STARD7: variants seen among roughly 807,000 people sequenced by gnomAD.
STARD7 encodes StAR related lipid transfer domain containing 7.
STARD7 carries 30 observed loss-of-function variants against 45.3 expected under a neutral mutation model. The observed-to-expected ratio is 0.66, with a 90% CI of 0.50 to 0.90. The LOEUF (loss-of-function observed/expected upper bound fraction) is 0.90. Ranked by LOEUF, STARD7 falls within the 40% of genes least tolerant of loss-of-function variation. The pLI is 0.00. For missense variants in STARD7, 495 were observed against 491.3 expected, an observed-to-expected ratio of 1.01 and a Z score of -0.07; for synonymous variants, 199 against 183.0, an observed-to-expected ratio of 1.09 and a Z score of -0.70.
At chr2:96,187,981 A>C (rs1228656973) in intron 6 of STARD7, 1 of 151,246 alleles carries the variant, frequency 6.6e-6, no homozygotes, top group Non-Finnish European at 1.5e-5. Flanking sequence ...ATAAATAAAT[A>C]AATTGGGTGT....
At chr2:96,197,091 T>TAAAAA (rs1683229116) in intron 1 of STARD7, among the ~76,000 whole-genome samples, 1 of 128,414 alleles carries the variant, frequency 7.8e-6, no homozygotes, top group African/African-American at 2.8e-5. Context: ...TAAAATAAAA[T>TAAAAA]AAAATAAAAT....
At position 96,208,311 on chromosome 2, in the gene STARD7, C is replaced by A. The variant is rs1374032461; in HGVS notation, c.124G>T (p.Ala42Ser). The A allele has an allele frequency of 1.2e-6, 2 of 1,607,510 alleles. No individual in the cohort carries two copies. Among genetic ancestry groups the A allele is most frequent in the Non-Finnish European group, 1.7e-6 (2 of 1,178,474 alleles). Residue 42 changes from alanine (A) to serine (S), a missense_variant, in exon 1 of 8, where the codon GCG becomes TCG. Coordinates refer to ENST00000337288, the MANE Select transcript of STARD7 (RefSeq NM_020151.4). ...GLRVRRAQQI[A>S]QLYGRLYSES... ...GAGTAGAGGCGGCCGTAGAGCTGCG[C>A]GATCTGCTGCGCGCGCCGCACGCGC... is the stretch of plus-strand genomic sequence containing the variant.
chr2:96,186,429 G>A lies in STARD7; in HGVS notation c.*301C>T. On this transcript the variant is annotated 3_prime_UTR_variant, in exon 8 of 8. Transcript: ENST00000337288. ...GAGGAAACTACTCAGAGAAGCAAATGGAGGTCATCCCCTTCTGGCCTGAGG... is the reference window on the plus strand; with the variant it reads ...GAGGAAACTACTCAGAGAAGCAAATAGAGGTCATCCCCTTCTGGCCTGAGG... 4.2e-6 allele frequency: 1 copy of A among 239,528 alleles called. No homozygotes were observed. The highest frequency in any genetic ancestry group is 8.0e-6 in the Non-Finnish European group (1 of 125,096). 14.8% of individuals were successfully genotyped at this position (239,528 alleles called of 1,614,324 possible).
Position 96,186,168 on chromosome 2 carries a change from A to C in STARD7, c.*562T>G, listed in dbSNP as rs1467672987. On this transcript the variant is annotated 3_prime_UTR_variant, in exon 8 of 8. Transcript: ENST00000337288. ...TGAAACTCCATCTCTACTTAAAAAA[A>C]AAAAAAATTAATAATAACTTCATGT... 1 of 152,596 alleles carries C rather than the reference A, an allele frequency of 6.6e-6. No homozygotes were observed. Among genetic ancestry groups the C allele is most frequent in the East Asian group, 1.9e-4 (1 of 5,198 alleles). The allele number at this position is 152,596 out of a possible 1,614,324, so 9.5% of individuals were successfully genotyped here. A position where few individuals can be genotyped will look rare whatever the true frequency, so the allele number is the denominator to read the frequency against.
chr2:96,187,276 T>C lies in STARD7; in HGVS notation c.869A>G (p.Tyr290Cys), dbSNP rs1415931370. 1.2e-6 allele frequency: 2 copies of C among 1,613,610 alleles called. No homozygotes were observed. The highest frequency in any genetic ancestry group is 1.7e-6 in the Non-Finnish European group (2 of 1,179,694). The stretch of plus-strand genomic sequence containing the variant: ...AAACACCGTTTGGGGATTGTCACTG[T>C]ATGTTAGTAAGTAGTCAAAGCCATT... Reference protein sequence around the residue: ...DENGFDYLLTYSDNPQTVFPR... With the variant: ...DENGFDYLLTCSDNPQTVFPR... Residue 290 changes from tyrosine to cysteine, a missense_variant, in exon 7 of 8, where the codon TAC becomes TGC. By Grantham distance (194) the Tyr-to-Cys change is radical. Transcript: ENST00000337288.
chr2:96,203,162 G>A (rs1264504190), intron 1 of STARD7, among the ~76,000 whole-genome samples: 1 of 152,202 alleles, frequency 6.6e-6, no homozygotes, highest in Non-Finnish European at 1.5e-5. Flanking sequence ...GGAGCACAAA[G>A]TCATTCACTA....
chr2:96,200,452 A>G (rs1159582940), intron 1 of STARD7, among the ~76,000 whole-genome samples: 5 of 152,200 alleles, frequency 3.3e-5, no homozygotes, highest in Non-Finnish European at 7.3e-5. Context: ...GTATATACAT[A>G]TGTATAAAAA....
At chr2:96,195,929 A>G (rs1390427272) in intron 1 of STARD7, among the ~76,000 whole-genome samples, 2 of 151,978 alleles carry the variant, frequency 1.3e-5, no homozygotes, top group African/African-American at 4.8e-5. Flanking sequence ...CCTGATCAAC[A>G]TGGTGAAACC....
intron 2 of STARD7, 84 bp downstream of exon 2, chr2:96,195,257 G>T: frequency 8.0e-7 from 1 of 1,246,406 alleles, no homozygotes; most frequent in South Asian, 1.4e-5. Flanking sequence ...GAAACAACCA[G>T]AACAGTTTAG....
At chr2:96,196,750 C>T (rs1017788692) in intron 1 of STARD7, among the ~76,000 whole-genome samples, 8 of 151,950 alleles carry the variant, frequency 5.3e-5, no homozygotes, top group Admixed American at 3.3e-4. Flanking sequence ...CGTAAACCAC[C>T]GTGCCCAGCT....
intron 1 of STARD7, among the ~76,000 whole-genome samples, chr2:96,204,749 C>CAAAAA (rs397959036): frequency 6.2e-5 from 6 of 96,140 alleles, no homozygotes; most frequent in Middle Eastern, 6.2e-3. Flanking sequence ...TGACAATGGC[C>CAAAAA]AAAAAAAAAA....
chr2:96,187,444 C>T (rs1447481531), intron 6 of STARD7, 143 bp from the exon 7 acceptor site: 1 of 603,478 alleles, frequency 1.7e-6, no homozygotes, highest in Non-Finnish European at 2.9e-6. Flanking sequence ...AGAGTTAACA[C>T]TGAAGGCCTG....
Position 96,186,753 on chromosome 2 carries a change from G to T in STARD7, c.1090C>A (p.Pro364Thr). ...SERKNEGSCG[P>T]ARIEYA is the part of the protein sequence containing the mutation. ...TGTCAAGCATACTCAATCCGAGCAGGGCCACAGCTGCCCTCGTTCTTTCGC... is the reference window on the plus strand; with the variant it reads ...TGTCAAGCATACTCAATCCGAGCAGTGCCACAGCTGCCCTCGTTCTTTCGC... Residue 364 changes from proline (P) to threonine (T), a missense_variant, in exon 8 of 8, where the codon CCT becomes ACT. This residue lies in a region of STARD7 where 213 missense variants were observed against 271.2 expected (regional missense o/e 0.79). Transcript: ENST00000337288. 6.2e-7 allele frequency: 1 copy of T among 1,612,538 alleles called. No individual in the cohort carries two copies. Among genetic ancestry groups the T allele is most frequent in the South Asian group, 1.1e-5 (1 of 90,792 alleles).
chr2:96,200,232 T>A (rs1355900957), intron 1 of STARD7, among the ~76,000 whole-genome samples: 1 of 152,078 alleles, frequency 6.6e-6, no homozygotes, highest in Non-Finnish European at 1.5e-5. Flanking sequence ...CACCACCACA[T>A]GCAGCTAATT....
chr2:96,186,623 A>T lies in STARD7; in HGVS notation c.*107T>A. The T allele has an allele frequency of 1.3e-6, 1 of 751,290 alleles. No homozygotes were observed. Among genetic ancestry groups the T allele is most frequent in the Non-Finnish European group, 2.1e-6 (1 of 484,414 alleles). The allele number at this position is 751,290 out of a possible 1,614,324, so 46.5% of individuals were successfully genotyped here. On this transcript the variant is annotated 3_prime_UTR_variant, in exon 8 of 8. Transcript: ENST00000337288. The stretch of plus-strand genomic sequence containing the variant: ...ATTGAATTATCTTGCACTGGAAGTT[A>T]CAGCAGATGCCTTCTAATACATGTG...
chr2:96,193,208 G>A, intron 4 of STARD7, 34 bp downstream of exon 4: 1 of 1,598,822 alleles, frequency 6.3e-7, no homozygotes, highest in Non-Finnish European at 8.6e-7. Context: ...ACACAAACCT[G>A]GACAGAAATA....
intron 3 of STARD7, among the ~76,000 whole-genome samples, chr2:96,194,271 T>A (rs1683169792): frequency 6.6e-6 from 1 of 151,936 alleles, no homozygotes; most frequent in Non-Finnish European, 1.5e-5. Context: ...GAGGATCACT[T>A]GAGTCCAGGA....
rs1211767993 is a variant in STARD7, at chr2:96,208,412, G to A, written c.23C>T (p.Ala8Val). Reference protein sequence around the residue: MLPRRLLAAWLAGTRGGG... With the variant: MLPRRLLVAWLAGTRGGG... ...GCCCCGCGTCCCCGCCAGCCAGGCG[G>A]CCAGCAGCCTCCGCGGGAGCATGCC... is the stretch of plus-strand genomic sequence containing the variant. The change falls in exon 1 of 8, where the codon GCC (alanine) becomes GTC (valine). Residue 8 changes from alanine (A) to valine (V), a missense_variant. Ala to Val is a moderately conservative substitution (Grantham distance 64). Around this residue, in one of 2 missense-constraint regions of STARD7, gnomAD observed 282 missense variants for 220.1 expected, o/e 1.28. Transcript: ENST00000337288. 1.4e-6 allele frequency: 2 copies of A among 1,423,202 alleles called. No homozygotes were observed. 88.2% of individuals were successfully genotyped at this position (1,423,202 alleles called of 1,614,324 possible).
In STARD7 at chr2:96,193,081, G is replaced by A. The variant is rs779513973; in HGVS notation, c.740C>T (p.Ser247Leu). The change falls in exon 5 of 8, where the codon TCG becomes TTG. Residue 247 changes from serine to leucine, a missense_variant. Ser to Leu is a moderately radical substitution (Grantham distance 145). Coordinates refer to ENST00000337288, the MANE Select transcript of STARD7 (RefSeq NM_020151.4). The part of the protein sequence containing the change: ...DQENNMMVLV[S>L]RAVEHPSVPE... ...AGCCACAGGCAGCCATACATACCGCGACACCAACACCATCATGTTGTTTTC... is the reference window on the plus strand; with the variant it reads ...AGCCACAGGCAGCCATACATACCGCAACACCAACACCATCATGTTGTTTTC... The A allele has an allele frequency of 1.2e-6, 2 of 1,612,080 alleles. No individual in the cohort carries two copies. The highest frequency in any genetic ancestry group is 1.3e-5 in the African/African-American group (1 of 74,880).
Sources: gnomAD v4.1 joint callset for allele counts (sites outside exome capture counted in the v4.1 genomes callset) on GRCh38, gnomAD v4.1.1 for gene constraint, gnomAD v4.1.1 regional missense constraint, MANE v1.5 for transcripts, NCBI Gene and HGNC (gene_info 2026-07-23, HGNC 2026-07-21) for gene names.